The following ADAM8 variants were observed in gnomAD, a reference collection of about 807,000 sequenced individuals.
ADAM8 encodes the protein disintegrin and metalloproteinase domain-containing protein 8.
In ADAM8, 104 loss-of-function variants were observed where a neutral mutation model predicts 102.4. The ratio of observed to expected loss-of-function variants is 1.02; its 90% CI spans 0.87 to 1.20. The LOEUF is 1.20. Ranked by LOEUF, ADAM8 falls within the 50% of genes most tolerant of loss-of-function variation. The pLI is 0.00. For synonymous variants in ADAM8, 517 were observed against 485.2 expected (o/e 1.07, Z -0.86); for missense variants, 1,132 against 1,159.0 (o/e 0.98, Z 0.34).
At chr10:133,270,117 C>T in intron 16 of ADAM8, 143 bp from the exon 17 acceptor site, 1 of 1,146,004 alleles carries the variant, frequency 8.7e-7, no homozygotes, top group Non-Finnish European at 1.2e-6. Flanking sequence ...CGGCTGCCTA[C>T]CCCCAAAGCC....
intron 12 of ADAM8, 99 bp from the exon 13 acceptor site, chr10:133,271,388 C>T: frequency 1.3e-6 from 2 of 1,487,032 alleles, no homozygotes; most frequent in Middle Eastern, 2.4e-4. Flanking sequence ...TGCCCTGCAG[C>T]CACTCCCTCC....
Position 133,272,497 on chromosome 10 carries a change from CTG to C in ADAM8, c.792_793del (p.Ser265CysfsTer21). 1 of 1,612,336 alleles carries C rather than the reference CTG, an allele frequency of 6.2e-7. No homozygotes were observed. Among genetic ancestry groups the C allele is most frequent in the Non-Finnish European group, 8.5e-7 (1 of 1,179,898 alleles). On this transcript the variant is annotated frameshift_variant, in exon 9 of 23. Coordinates refer to ENST00000445355, the MANE Select transcript of ADAM8 (RefSeq NM_001109.5). LOFTEE classifies it high-confidence loss of function. ...GGTCAGGAGGTTCTCCAGTGTGACA[CTG>C]GGGTCGGGGCTGACGTGGAACCTGT...
At chr10:133,267,489 G>A in intron 20 of ADAM8, 72 bp from the exon 21 acceptor site, 2 of 1,441,152 alleles carry the variant, frequency 1.4e-6, no homozygotes, top group East Asian at 2.3e-5. Context: ...CCCAGCTCCA[G>A]GATCCGAGGT....
intron 22 of ADAM8, 59 bp downstream of exon 22, chr10:133,263,629 G>GGGGAGGCCGTGCCACTGTCAGCCCCGTT: frequency 2.7e-6 from 4 of 1,480,030 alleles, no homozygotes; most frequent in Non-Finnish European, 2.7e-6. Flanking sequence ...TCAGCCCCGT[G>GGGGAGGCCGTGCCACTGTCAGCCCCGTT]GGGAGGCCGT....
In ADAM8 at chr10:133,271,227, C is replaced by A. The variant is rs373848180; in HGVS notation, c.1347G>T (p.Ala449=). 5.0e-6 allele frequency: 8 copies of A among 1,611,666 alleles called. No individual in the cohort carries two copies. The African/African-American group carries it at 1.1e-4, about 22-fold the overall frequency. Residue 449 remains alanine, a synonymous_variant, in exon 13 of 23, where the codon GCG becomes GCT. Coordinates refer to ENST00000445355, the MANE Select transcript of ADAM8 (RefSeq NM_001109.5). Reference sequence around the variant, plus strand: ...TGCACTCCTGGCAGCAGGTACCGTGCGCACACTGGGCCCCCTCAGCCAGCT... The same window carrying A: ...TGCACTCCTGGCAGCAGGTACCGTGAGCACACTGGGCCCCCTCAGCCAGCT... ...TCQLAEGAQC[A]HGTCCQECKV...
At chr10:133,272,324 T>TGCCC in intron 9 of ADAM8, 50 bp from the exon 10 acceptor site, 3 of 1,430,658 alleles carry the variant, frequency 2.1e-6, no homozygotes, top group Non-Finnish European at 1.9e-6. Context: ...CCTCCCCACT[T>TGCCC]CCCTCCCACC....
intron 2 of ADAM8, chr10:133,274,719 G>A (rs1204090333): frequency 6.8e-6 from 2 of 295,646 alleles, no homozygotes; most frequent in Non-Finnish European, 1.4e-5. Flanking sequence ...GAGGTGGGTG[G>A]CGGGGATAGC....
At chr10:133,269,370 G>A (rs2995311) in intron 18 of ADAM8, 75 bp downstream of exon 18, 1,242,908 of 1,392,342 alleles carry the variant, frequency 0.89, 555,157 homozygotes, top group East Asian at 0.93. Context: ...CCGGGCCCGC[G>A]GCTTCTGCCT....
At chr10:133,263,585 G>C in intron 22 of ADAM8, 103 bp downstream of exon 22, 1 of 82,516 alleles carries the variant, frequency 1.2e-5, no homozygotes. Context: ...CAGATAATCA[G>C]AAAAAAACCC....
At chr10:133,269,421 C>T (rs1001788133) in intron 18 of ADAM8, 24 bp downstream of exon 18, 16 of 1,519,092 alleles carry the variant, frequency 1.1e-5, no homozygotes, top group Non-Finnish European at 1.3e-5. Context: ...CCCAGCCCCA[C>T]CTGCGCTGGC....
At position 133,272,833 on chromosome 10, in the gene ADAM8, G is replaced by C. The variant is rs1326863859; in HGVS notation, c.670C>G (p.His224Asp). The part of the protein sequence containing the change: ...QMLGSEAAVR[H>D]RVLEVVNHVD... ...TGATTCACCACCTCCAGCACCCGAT[G>C]ACGCACGGCTGCTTCGCTCCCCAGC... Residue 224 changes from histidine (H) to aspartate (D), a missense_variant, in exon 8 of 23, where the codon CAT becomes GAT. Transcript: ENST00000445355. 6.2e-7 allele frequency: 1 copy of C among 1,611,230 alleles called. No individual in the cohort carries two copies. Among genetic ancestry groups the C allele is most frequent in the Non-Finnish European group, 8.5e-7 (1 of 1,178,966 alleles).
In ADAM8 at chr10:133,267,881, C is replaced by T; in HGVS notation, c.2253+48G>A. The T allele has an allele frequency of 1.6e-6, 2 of 1,256,000 alleles. 1 individual carries two copies. The allele number at this position is 1,256,000 out of a possible 1,614,324, so 77.8% of individuals were successfully genotyped here. A position where few individuals can be genotyped will look rare whatever the true frequency, so the allele number is the denominator to read the frequency against. On this transcript the variant is annotated intron_variant, in intron 20 of 22. Transcript: ENST00000445355. ...CTGCACTTGGGGTCGCAGGATGGGG[C>T]CTGGGCACTGCTTTCGGCCTCATGA...
intron 8 of ADAM8, 52 bp downstream of exon 8, chr10:133,272,746 C>CT (rs963129612): frequency 2.0e-5 from 31 of 1,562,782 alleles, no homozygotes; most frequent in African/African-American, 2.7e-5. Flanking sequence ...CAACACCCCC[C>CT]CCACCTCCCG....
intron 21 of ADAM8, among the ~76,000 whole-genome samples, chr10:133,264,197 G>A (rs1444019755): frequency 6.6e-6 from 1 of 151,880 alleles, no homozygotes; most frequent in African/African-American, 2.4e-5. Flanking sequence ...GAGTAGCTGG[G>A]ACGACAGGCA....
At position 133,266,567 on chromosome 10, in the gene ADAM8, C is replaced by T. The variant is rs574003479; in HGVS notation, c.2319+785G>A. ...CCTCTTCACACAGGCACCTCCCCAG[C>T]CCCAGCCTGCCCGCCACCGTCCTGC... is the stretch of plus-strand genomic sequence containing the variant. On this transcript the variant is annotated intron_variant, in intron 21 of 22. Coordinates refer to ENST00000445355, the MANE Select transcript of ADAM8 (RefSeq NM_001109.5). Among the ~76,000 whole-genome samples the T allele has an allele frequency of 1.2e-4, 18 of 152,252 alleles. No homozygotes were observed. The East Asian group carries it at 1.7e-3, about 15-fold the overall frequency.
Position 133,270,520 on chromosome 10 carries a change from G to T in ADAM8, c.1635-10C>A. 1.4e-5 allele frequency: 22 copies of T among 1,579,838 alleles called. No homozygotes were observed. Among genetic ancestry groups the T allele is most frequent in the Non-Finnish European group, 1.8e-5 (21 of 1,155,218 alleles). ...GCCACACATGTCAGCCCTGTGGATG[G>T]ACGGCAGGTCGTGGGCCAGCTTGCC... On this transcript the variant is annotated splice_polypyrimidine_tract_variant and intron_variant, in intron 15 of 22. Transcript: ENST00000445355.
chr10:133,267,407 G>A lies in ADAM8; in HGVS notation c.2264C>T (p.Thr755Ile). 6.2e-7 allele frequency: 1 copy of A among 1,609,594 alleles called. No individual in the cohort carries two copies. The highest frequency in any genetic ancestry group is 8.5e-7 in the Non-Finnish European group (1 of 1,178,904). The part of the protein sequence containing the change: ...LKRPPPAPPV[T>I]VSSPPFPVPV... ...AACTGGGAAGGGTGGGCTGGACACA[G>A]TGACCGGAGGCTGGAGGAGACAGGG... The change falls in exon 21 of 23, where the codon ACT (threonine) becomes ATT (isoleucine). Residue 755 changes from threonine to isoleucine, a missense_variant. Thr to Ile is a moderately conservative substitution (Grantham distance 89, BLOSUM62 -1). Coordinates refer to ENST00000445355, the MANE Select transcript of ADAM8 (RefSeq NM_001109.5).
At chr10:133,267,903 A>C (rs1389940871) in intron 20 of ADAM8, 26 bp downstream of exon 20, 6 of 1,258,162 alleles carry the variant, frequency 4.8e-6, no homozygotes, top group African/African-American at 1.5e-5. Flanking sequence ...TTTCGGCCTC[A>C]TGAACCCGCC....
In ADAM8 at chr10:133,270,723, G is replaced by A. The variant is rs774249455; in HGVS notation, c.1634+13C>T. The A allele has an allele frequency of 2.7e-5, 32 of 1,185,614 alleles. No individual in the cohort carries two copies. Among genetic ancestry groups the A allele is most frequent in the Non-Finnish European group, 3.5e-5 (30 of 852,764 alleles). The allele number at this position is 1,185,614 out of a possible 1,614,324, so 73.4% of individuals were successfully genotyped here. ...ACAGCACATGTCCTGGGCCCAGGGC[G>A]GTCTCAGCTCACCTGTACCGGCTGG... On this transcript the variant is annotated intron_variant, in intron 15 of 22. Coordinates refer to ENST00000445355, the MANE Select transcript of ADAM8 (RefSeq NM_001109.5).
Sources: gnomAD v4.1 joint callset for allele counts (sites outside exome capture counted in the v4.1 genomes callset) on GRCh38, gnomAD v4.1.1 for gene constraint, MANE v1.5 for transcripts, NCBI Gene and HGNC (gene_info 2026-07-23, HGNC 2026-07-21) for gene names.